The following ADCY5 variants were observed in gnomAD, a reference collection of about 807,000 sequenced individuals.
The protein encoded by ADCY5 is adenylate cyclase 5.
A neutral mutation model predicts 119.7 loss-of-function variants in ADCY5; 30 were observed. The ratio of observed to expected loss-of-function variants is 0.25; its 90% CI spans 0.19 to 0.34. The LOEUF is 0.34. ADCY5 is among the 10% of genes least tolerant of loss of function. ADCY5 has a pLI of 1.00. For missense variants in ADCY5, 1,324 were observed against 1,775.2 expected, an observed-to-expected ratio of 0.75 and a Z score of 4.57; for synonymous variants, 753 against 762.2, an observed-to-expected ratio of 0.99 and a Z score of 0.20.
chr3:123,406,658 C>A (rs1944910322), intron 1 of ADCY5, among the ~76,000 whole-genome samples: 2 of 152,150 alleles, frequency 1.3e-5, no homozygotes. Context: ...CCATTTCTCC[C>A]ATGGTCACTC....
At position 123,395,714 on chromosome 3, in the gene ADCY5, CA is replaced by C. The variant is rs199742620; in HGVS notation, c.1135-43134del. Among the ~76,000 whole-genome samples the C allele has an allele frequency of 7.5e-4, 109 of 146,136 alleles. 1 individual carries two copies. The South Asian group carries it at 8.3e-3, about 11-fold the overall frequency. ...GCAACATAGTGTGACCCCGTCTCTA[CA>C]AAAAAAAAAATTTTTTTAATTGCCG... On this transcript the variant is annotated intron_variant, in intron 1 of 20. Transcript: ENST00000462833.
At chr3:123,396,211 GA>G (rs1280374838) in intron 1 of ADCY5, among the ~76,000 whole-genome samples, 252 of 130,700 alleles carry the variant, frequency 1.9e-3, no homozygotes, top group African/African-American at 6.5e-3. Flanking sequence ...AGAAAAGAAA[GA>G]GAAAGAAAGA....
intron 3 of ADCY5, among the ~76,000 whole-genome samples, chr3:123,346,864 G>A (rs146559739): frequency 7.9e-5 from 12 of 152,260 alleles, no homozygotes; most frequent in Non-Finnish European, 1.3e-4. Context: ...GGCTCTCCAG[G>A]AAGCCATGCT....
In ADCY5 at chr3:123,448,462, G is replaced by A. The variant is rs1007815586; in HGVS notation, c.84C>T (p.His28=). 7 of 1,284,074 alleles carry A rather than the reference G, an allele frequency of 5.5e-6. No homozygotes were observed. Among genetic ancestry groups the A allele is most frequent in the Non-Finnish European group, 6.9e-6 (7 of 1,017,472 alleles). The allele number at this position is 1,284,074 out of a possible 1,614,324, so 79.5% of individuals were successfully genotyped here. ...AAPAPRGGPE[H]RSAWGEADSR... is the part of the protein sequence containing the mutation. ...AATCGGCCTCGCCCCACGCAGAGCGGTGTTCGGGGCCTCCCCGGGGCGCCG... is the reference window on the plus strand; with the variant it reads ...AATCGGCCTCGCCCCACGCAGAGCGATGTTCGGGGCCTCCCCGGGGCGCCG... Residue 28 remains histidine, a synonymous_variant, in exon 1 of 21, where the codon CAC becomes CAT. Transcript: ENST00000462833.
intron 1 of ADCY5, chr3:123,419,116 T>A: frequency 4.1e-6 from 4 of 981,230 alleles, no homozygotes; most frequent in Non-Finnish European, 4.8e-6. Context: ...TCCTAAGGGT[T>A]CTGTTTCTCC....
intron 1 of ADCY5, chr3:123,419,250 C>T (rs1945252003): frequency 1.0e-6 from 1 of 982,394 alleles, no homozygotes; most frequent in South Asian, 4.7e-5. Flanking sequence ...CCCTCCCCTC[C>T]ACGCGCCCCC....
chr3:123,380,980 G>A (rs1310200834), intron 1 of ADCY5, among the ~76,000 whole-genome samples: 1 of 152,104 alleles, frequency 6.6e-6, no homozygotes, highest in Admixed American at 6.5e-5. Flanking sequence ...CACTTCATAC[G>A]GTGACTCTGG....
chr3:123,388,627 T>C (rs1318211666), intron 1 of ADCY5, among the ~76,000 whole-genome samples: 1 of 151,842 alleles, frequency 6.6e-6, no homozygotes, highest in East Asian at 1.9e-4. Context: ...GAGCCCAAGA[T>C]GGAGCCCTGG....
intron 5 of ADCY5, among the ~76,000 whole-genome samples, chr3:123,330,184 CG>C (rs1447723899): frequency 1.3e-5 from 2 of 152,194 alleles, no homozygotes; most frequent in African/African-American, 4.8e-5. Context: ...CCAACGGACC[CG>C]GCTGCCTTCC....
chr3:123,314,901 C>G (rs893904871), intron 11 of ADCY5, among the ~76,000 whole-genome samples: 1 of 150,448 alleles, frequency 6.6e-6, no homozygotes, highest in African/African-American at 2.5e-5. Context: ...ACCGCCAGGT[C>G]CCACAACAAG....
At chr3:123,294,467 C>T (rs569059627) in intron 17 of ADCY5, among the ~76,000 whole-genome samples, 32 of 152,222 alleles carry the variant, frequency 2.1e-4, no homozygotes, top group African/African-American at 3.6e-4. Context: ...CTGACATCAC[C>T]GGTGGTGGGA....
At chr3:123,389,142 G>A (rs917941689) in intron 1 of ADCY5, among the ~76,000 whole-genome samples, 4 of 150,428 alleles carry the variant, frequency 2.7e-5, no homozygotes, top group East Asian at 2.1e-4. Context: ...GCAGGACGTC[G>A]GCTGAGATGG....
intron 1 of ADCY5, among the ~76,000 whole-genome samples, chr3:123,432,282 A>G (rs1576693580): frequency 6.6e-6 from 1 of 152,246 alleles, no homozygotes; most frequent in Non-Finnish European, 1.5e-5. Context: ...TTGTCCTTCA[A>G]TATGCCCAGG....
At chr3:123,426,314 GT>G (rs10663844) in intron 1 of ADCY5, among the ~76,000 whole-genome samples, 9 of 142,842 alleles carry the variant, frequency 6.3e-5, no homozygotes, top group African/African-American at 2.1e-4. Flanking sequence ...TTTTTTGTTT[GT>G]TTTTGTTTGT....
intron 1 of ADCY5, among the ~76,000 whole-genome samples, chr3:123,371,549 G>C (rs1168111333): frequency 6.6e-6 from 1 of 152,226 alleles, no homozygotes. Context: ...TCTCCCAGGG[G>C]AAGTGGCACG....
intron 14 of ADCY5, among the ~76,000 whole-genome samples, chr3:123,301,001 C>T (rs1939814949): frequency 6.6e-6 from 1 of 152,086 alleles, no homozygotes. Context: ...CCAAAGGTTT[C>T]AGAGGAGGGA....
intron 1 of ADCY5, among the ~76,000 whole-genome samples, chr3:123,424,731 A>G (rs906560749): frequency 2.6e-5 from 4 of 152,000 alleles, no homozygotes; most frequent in Non-Finnish European, 5.9e-5. Context: ...TGGCTTTTCT[A>G]ATGGGCTCCA....
At chr3:123,293,519 A>G (rs900462285) in intron 17 of ADCY5, among the ~76,000 whole-genome samples, 19 of 151,578 alleles carry the variant, frequency 1.3e-4, no homozygotes, top group Middle Eastern at 3.2e-3. Context: ...TCACTCACAC[A>G]TTCCTACACA....
At chr3:123,406,565 T>C (rs960861323) in intron 1 of ADCY5, among the ~76,000 whole-genome samples, 7 of 152,202 alleles carry the variant, frequency 4.6e-5, no homozygotes, top group African/African-American at 9.7e-5. Flanking sequence ...TTCATTTCAG[T>C]TGGAGAGAGT....
Sources: gnomAD v4.1 joint callset for allele counts (sites outside exome capture counted in the v4.1 genomes callset) on GRCh38, gnomAD v4.1.1 for gene constraint, MANE v1.5 for transcripts, NCBI Gene and HGNC (gene_info 2026-07-23, HGNC 2026-07-21) for gene names.